The following CMSS1 variants were observed in gnomAD, a reference collection of about 807,000 sequenced individuals.
CMSS1 encodes protein CMSS1.
In CMSS1, 33 loss-of-function variants were observed where a neutral mutation model predicts 43.5. The observed-to-expected ratio is 0.76, with a 90% CI of 0.57 to 1.01. The LOEUF is 1.01. CMSS1 is among the 50% of genes least tolerant of loss of function. The pLI, the probability that CMSS1 is intolerant of heterozygous loss-of-function variation, is 0.00. For synonymous variants in CMSS1, 115 were observed against 117.2 expected (o/e 0.98, Z 0.12); for missense variants, 313 against 326.4 (o/e 0.96, Z 0.32).
chr3:99,944,604 C>G (rs756531422), intron 1 of CMSS1, among the ~76,000 whole-genome samples: 41 of 152,316 alleles, frequency 2.7e-4, no homozygotes, highest in South Asian at 4.1e-4. Context: ...TAACCGAAAC[C>G]TAAAGAGGTT....
intron 9 of CMSS1, 138 bp downstream of exon 9, chr3:100,176,553 C>G: frequency 1.7e-6 from 1 of 602,708 alleles, no homozygotes; most frequent in Non-Finnish European, 2.9e-6. Context: ...TAACTCTGAG[C>G]TAACTATAAT....
chr3:99,848,446 G>GGGCT lies in CMSS1; in HGVS notation c.64+30408_64+30411dup. ...TGCTGAAGGGCTGGCAGGTCTCACA[G>GGGCT]GGCTGGCTACAGCTTGCATGTAAGG... On this transcript the variant is annotated intron_variant, in intron 1 of 9. Coordinates refer to ENST00000421999, the MANE Select transcript of CMSS1 (RefSeq NM_032359.4). 5 of 1,614,170 alleles carry GGGCT rather than the reference G, an allele frequency of 3.1e-6. No individual in the cohort carries two copies. The Admixed American group carries it at 5.0e-5, about 16-fold the overall frequency.
chr3:100,154,429 T>C (rs1159792383), intron 2 of CMSS1, among the ~76,000 whole-genome samples: 3 of 152,150 alleles, frequency 2.0e-5, no homozygotes, highest in African/African-American at 7.2e-5. Context: ...TAATGTATCA[T>C]TTTGCACCCC....
At chr3:100,117,950 C>A (rs2107489051) in intron 1 of CMSS1, among the ~76,000 whole-genome samples, 1 of 145,510 alleles carries the variant, frequency 6.9e-6, no homozygotes, top group South Asian at 2.2e-4. Flanking sequence ...TATGGATGAA[C>A]CATGAAGGCA....
chr3:99,945,125 G>A (rs1449914752), intron 1 of CMSS1, among the ~76,000 whole-genome samples: 3 of 152,210 alleles, frequency 2.0e-5, no homozygotes, highest in African/African-American at 7.2e-5. Context: ...TCTCCCTGAT[G>A]CTTTTTGGTG....
rs1247931468 is a variant in CMSS1, at chr3:99,908,665, G to A, written c.64+90622G>A. Among the ~76,000 whole-genome samples, 7 of 152,126 alleles carry A rather than the reference G, an allele frequency of 4.6e-5. No homozygotes were observed. In the South Asian group the frequency reaches 1.0e-3, roughly 23 times the overall value. ...AGGGTGATTATCTGAATATTATGTG[G>A]ACAATAATATTACCTCCTTTAAAAG... is the stretch of plus-strand genomic sequence containing the variant. On this transcript the variant is annotated intron_variant, in intron 1 of 9. Transcript: ENST00000421999.
At chr3:99,983,484 A>ATT (rs1559713764) in intron 1 of CMSS1, among the ~76,000 whole-genome samples, 1 of 25,488 alleles carries the variant, frequency 3.9e-5, no homozygotes, top group South Asian at 1.2e-3. Context: ...ATATATATAT[A>ATT]TATATATATA....
intron 1 of CMSS1, among the ~76,000 whole-genome samples, chr3:99,976,219 A>G (rs1708966757): frequency 6.6e-6 from 1 of 152,192 alleles, no homozygotes; most frequent in Non-Finnish European, 1.5e-5. Flanking sequence ...GGTGGAACAT[A>G]GTAAGTCCAT....
chr3:100,086,593 A>C (rs1239670823), intron 1 of CMSS1, among the ~76,000 whole-genome samples: 1 of 152,238 alleles, frequency 6.6e-6, no homozygotes, highest in Non-Finnish European at 1.5e-5. Flanking sequence ...CCACCAGGCT[A>C]ACGTCCAAAA....
chr3:100,074,675 A>ATTTTTTTTTTT (rs555819875), intron 1 of CMSS1, among the ~76,000 whole-genome samples: 384 of 34,796 alleles, frequency 0.011, 157 homozygotes, highest in East Asian at 0.015. Context: ...GCAACATTTG[A>ATTTTTTTTTTT]TTTTTTTTTT....
intron 1 of CMSS1, among the ~76,000 whole-genome samples, chr3:99,823,218 C>T (rs1303788125): frequency 6.6e-6 from 1 of 152,216 alleles, no homozygotes; most frequent in Non-Finnish European, 1.5e-5. Context: ...TACAAATAAG[C>T]AGCTTTTCCA....
chr3:99,931,173 G>A, intron 1 of CMSS1: 2 of 661,698 alleles, frequency 3.0e-6, no homozygotes, highest in Non-Finnish European at 5.2e-6. Flanking sequence ...CAGCAGAGAA[G>A]GATATTAGCA....
intron 1 of CMSS1, among the ~76,000 whole-genome samples, chr3:100,055,193 A>G (rs2065444363): frequency 1.3e-5 from 2 of 152,108 alleles, no homozygotes; most frequent in Non-Finnish European, 2.9e-5. Context: ...TACTCTTATC[A>G]ATTTCTTCGT....
At chr3:100,021,991 G>T (rs971421653) in intron 1 of CMSS1, among the ~76,000 whole-genome samples, 6 of 147,932 alleles carry the variant, frequency 4.1e-5, no homozygotes, top group African/African-American at 1.3e-4. Flanking sequence ...GAGAGAGAGA[G>T]AGATATGAGG....
chr3:100,030,055 C>A (rs2107257819), intron 1 of CMSS1, among the ~76,000 whole-genome samples: 1 of 152,196 alleles, frequency 6.6e-6, no homozygotes, highest in African/African-American at 2.4e-5. Context: ...TGAAGAAAAT[C>A]AGAACTGGAA....
chr3:100,102,157 A>G (rs1290707826), intron 1 of CMSS1, among the ~76,000 whole-genome samples: 2 of 152,182 alleles, frequency 1.3e-5, no homozygotes, highest in Non-Finnish European at 2.9e-5. Context: ...TGCTGGGTCA[A>G]ATGGTATTTC....
chr3:99,927,904 T>A (rs968292326), intron 1 of CMSS1, among the ~76,000 whole-genome samples: 14 of 152,174 alleles, frequency 9.2e-5, no homozygotes, highest in African/African-American at 1.7e-4. Context: ...TAAGTCAGTG[T>A]TCCTGTCGTG....
At chr3:100,137,380 A>G (rs1251485940) in intron 1 of CMSS1, among the ~76,000 whole-genome samples, 1 of 152,244 alleles carries the variant, frequency 6.6e-6, no homozygotes, top group East Asian at 1.9e-4. Flanking sequence ...AAAAGGAACA[A>G]TTCTACAGGA....
At chr3:99,986,341 A>G (rs1035578716) in intron 1 of CMSS1, among the ~76,000 whole-genome samples, 1 of 152,226 alleles carries the variant, frequency 6.6e-6, no homozygotes, top group South Asian at 2.1e-4. Context: ...CCATAAAGAC[A>G]TATCATTGTA....
Sources: gnomAD v4.1 joint callset for allele counts (sites outside exome capture counted in the v4.1 genomes callset) on GRCh38, gnomAD v4.1.1 for gene constraint, MANE v1.5 for transcripts, NCBI Gene and HGNC (gene_info 2026-07-23, HGNC 2026-07-21) for gene names.